The following CD46 variants were observed in gnomAD, a reference collection of about 807,000 sequenced individuals.
CD46 encodes the protein CD46 molecule, also known as membrane cofactor protein.
CD46 carries 30 observed loss-of-function variants against 53.3 expected under a neutral mutation model. That is an observed-to-expected ratio of 0.56 (90% confidence interval 0.42 to 0.76). The LOEUF (loss-of-function observed/expected upper bound fraction) is 0.76, where lower values mean the gene tolerates loss of function less well. Ranked by LOEUF, CD46 falls within the 30% of genes least tolerant of loss-of-function variation. CD46 has a pLI of 0.00. For synonymous variants in CD46, 142 were observed against 152.0 expected (o/e 0.93, Z 0.48); for missense variants, 409 against 463.0 (o/e 0.88, Z 1.07).
chr1:207,761,486 T>C (rs1197303709), intron 5 of CD46, 40 bp downstream of exon 5: 1 of 1,514,878 alleles, frequency 6.6e-7, no homozygotes, highest in Non-Finnish European at 9.2e-7. Context: ...TTGTAAATAC[T>C]ATGGAAACAT....
chr1:207,778,439 A>C (rs914665449), intron 8 of CD46, among the ~76,000 whole-genome samples: 1 of 151,650 alleles, frequency 6.6e-6, no homozygotes, highest in Admixed American at 6.5e-5. Context: ...CAAATCTTTA[A>C]TCCATCTTGA....
In CD46 at chr1:207,761,160, A is replaced by G. The variant is rs1656152313; in HGVS notation, c.476-89A>G. 13 of 802,420 alleles carry G rather than the reference A, an allele frequency of 1.6e-5. No individual in the cohort carries two copies. The South Asian group carries it at 1.9e-4, about 11-fold the overall frequency. The allele number at this position is 802,420 out of a possible 1,614,324, so 49.7% of individuals were successfully genotyped here. A position where few individuals can be genotyped will look rare whatever the true frequency, so the allele number is the denominator to read the frequency against. On this transcript the variant is annotated intron_variant, in intron 4 of 12. Transcript: ENST00000367042. ...TTCACAAACAGCTTGTAGAAACCCT[A>G]TATTGACAAATTTATTGAAGACACA...
chr1:207,793,611 T>C lies in CD46; in HGVS notation c.*134T>C. On this transcript the variant is annotated 3_prime_UTR_variant, in exon 13 of 13. Coordinates refer to ENST00000367042, the MANE Select transcript of CD46 (RefSeq NM_172351.3). The stretch of plus-strand genomic sequence containing the variant: ...GGCTGAATAGATTCCACAACCTGGT[T>C]TGCCAGTTCATCTTTTGACTCTATT... The C allele has an allele frequency of 6.2e-7, 1 of 1,605,394 alleles. No homozygotes were observed. The highest frequency in any genetic ancestry group is 8.5e-7 in the Non-Finnish European group (1 of 1,172,094).
chr1:207,760,365 T>C (rs1656042508), intron 4 of CD46: 1 of 152,350 alleles, frequency 6.6e-6, no homozygotes, highest in African/African-American at 2.4e-5. Context: ...TCACACAATA[T>C]GTAGCCTTTG....
At chr1:207,777,580 C>A (rs1334577937) in intron 8 of CD46, among the ~76,000 whole-genome samples, 1 of 152,130 alleles carries the variant, frequency 6.6e-6, no homozygotes, top group Non-Finnish European at 1.5e-5. Flanking sequence ...TAAGTGAGAA[C>A]ATGCGGTATT....
intron 10 of CD46, 55 bp downstream of exon 10, chr1:207,785,161 G>A (rs1659159532): frequency 1.1e-5 from 15 of 1,329,504 alleles, no homozygotes; most frequent in African/African-American, 1.0e-4. Flanking sequence ...GTGAAGACAT[G>A]CATTTTAAAA....
intron 3 of CD46, 137 bp from the exon 4 acceptor site, chr1:207,759,502 A>G (rs1655943147): frequency 1.5e-5 from 9 of 615,738 alleles, no homozygotes; most frequent in East Asian, 2.8e-5. Flanking sequence ...CACTTTCGTT[A>G]TATAGTATGT....
At chr1:207,785,816 C>T (rs371986414) in intron 11 of CD46, 134 bp downstream of exon 11, 12 of 678,250 alleles carry the variant, frequency 1.8e-5, no homozygotes, top group Non-Finnish European at 3.2e-5. Flanking sequence ...ATTAGTTTGT[C>T]CTACCAATTG....
In CD46 at chr1:207,794,260, C is replaced by G. The variant is rs184209476; in HGVS notation, c.*783C>G. 2.0e-5 allele frequency: 3 copies of G among 152,418 alleles called. No homozygotes were observed. Among genetic ancestry groups the G allele is most frequent in the African/African-American group, 7.2e-5 (3 of 41,526 alleles). 9.4% of individuals were successfully genotyped at this position (152,418 alleles called of 1,614,324 possible). ...ACTTTTTAAAACATCCCTAACTGAT[C>G]GAATATATCAGTAATTTCAGAATCA... On this transcript the variant is annotated 3_prime_UTR_variant, in exon 13 of 13. Coordinates refer to ENST00000367042, the MANE Select transcript of CD46 (RefSeq NM_172351.3).
rs183649024 is a variant in CD46, at chr1:207,754,203, A to G, written c.97+1894A>G. Among the ~76,000 whole-genome samples, 3 of 152,310 alleles carry G rather than the reference A, an allele frequency of 2.0e-5. No individual in the cohort carries two copies. In the East Asian group the frequency reaches 5.8e-4, roughly 29 times the overall value. On this transcript the variant is annotated intron_variant, in intron 1 of 12. Coordinates refer to ENST00000367042, the MANE Select transcript of CD46 (RefSeq NM_172351.3). ...GATATAAATCTGACAGCATTTAACA[A>G]ATGATTGGAGAGAGGGAAGGCTTCT...
chr1:207,766,862 A>G, intron 5 of CD46, 151 bp from the exon 6 acceptor site: 2 of 638,442 alleles, frequency 3.1e-6, no homozygotes, highest in South Asian at 1.9e-5. Flanking sequence ...GAAGGAGAAT[A>G]TATTAGTTAA....
chr1:207,788,667 C>G (rs532862141), intron 11 of CD46, among the ~76,000 whole-genome samples: 8 of 152,322 alleles, frequency 5.3e-5, no homozygotes, highest in African/African-American at 1.9e-4. Flanking sequence ...TTCTCCACTT[C>G]CGGGGGTAAC....
intron 3 of CD46, among the ~76,000 whole-genome samples, chr1:207,759,018 G>C (rs953012345): frequency 6.6e-6 from 1 of 152,108 alleles, no homozygotes; most frequent in Admixed American, 6.5e-5. Context: ...TTGAGTATAG[G>C]GGTATACTTA....
rs769742294 is a variant in CD46 at position 207,757,204 on chromosome 1, T to G, written c.286+2T>G. 185 of 1,611,488 alleles carry G rather than the reference T, an allele frequency of 1.1e-4. No individual in the cohort carries two copies. Among genetic ancestry groups the G allele is most frequent in the Non-Finnish European group, 1.5e-4 (177 of 1,178,836 alleles). On this transcript the variant is annotated splice_donor_variant, in intron 2 of 12. Coordinates refer to ENST00000367042, the MANE Select transcript of CD46 (RefSeq NM_172351.3). LOFTEE classifies it high-confidence loss of function. ...CTGTCTCAGATGACGCCTGTTATAG[T>G]AAGTAAACAAACCTCTTTTTTTTTT...
At chr1:207,757,721 T>A in intron 3 of CD46, 79 bp downstream of exon 3, 1 of 944,700 alleles carries the variant, frequency 1.1e-6, no homozygotes, top group Non-Finnish European at 1.7e-6. Context: ...AGCATTCCTG[T>A]AAACTTAATT....
intron 5 of CD46, among the ~76,000 whole-genome samples, chr1:207,765,984 C>T (rs1421706195): frequency 6.6e-6 from 1 of 152,182 alleles, no homozygotes; most frequent in Non-Finnish European, 1.5e-5. Flanking sequence ...AAGGAATGAA[C>T]TGATTCATGC....
rs1426448973 is a variant in CD46, at chr1:207,795,477, T to C, written c.*2000T>C. The C allele has an allele frequency of 2.0e-5, 3 of 152,250 alleles. No homozygotes were observed. Among genetic ancestry groups the C allele is most frequent in the African/African-American group, 7.2e-5 (3 of 41,466 alleles). 9.4% of individuals were successfully genotyped at this position (152,250 alleles called of 1,614,324 possible). A position where few individuals can be genotyped will look rare whatever the true frequency, so the allele number is the denominator to read the frequency against. On this transcript the variant is annotated 3_prime_UTR_variant, in exon 13 of 13. Coordinates refer to ENST00000367042, the MANE Select transcript of CD46 (RefSeq NM_172351.3). ...TTTTTTAAAAAATGGACTCTTGAAA[T>C]CTGTTAAAATAAAATTGTACATTTG... is the stretch of plus-strand genomic sequence containing the variant.
At chr1:207,791,177 A>G (rs1337989789) in intron 12 of CD46, among the ~76,000 whole-genome samples, 1 of 152,220 alleles carries the variant, frequency 6.6e-6, no homozygotes, top group Non-Finnish European at 1.5e-5. Flanking sequence ...TCCTATATAC[A>G]GTAGTTCCTT....
At chr1:207,755,927 C>T (rs1282414937) in intron 1 of CD46, among the ~76,000 whole-genome samples, 1 of 152,070 alleles carries the variant, frequency 6.6e-6, no homozygotes, top group African/African-American at 2.4e-5. Flanking sequence ...CTCTGAGTGA[C>T]ATATTGTGCT....
Sources: allele counts gnomAD v4.1 joint callset (sites outside exome capture counted in the v4.1 genomes callset), GRCh38; gene constraint gnomAD v4.1.1; transcripts MANE v1.5; gene names NCBI Gene and HGNC (gene_info 2026-07-23, HGNC 2026-07-21).